The following METTL25 variants were observed in gnomAD, a reference collection of about 807,000 sequenced individuals.
METTL25 encodes the protein methyltransferase like 25.
METTL25 carries 64 observed loss-of-function variants against 71.6 expected under a neutral mutation model. The ratio of observed to expected loss-of-function variants is 0.89; its 90% CI spans 0.73 to 1.10. The LOEUF (loss-of-function observed/expected upper bound fraction) is 1.10, where lower values mean the gene tolerates loss of function less well. Ranked by LOEUF, METTL25 falls within the 50% of genes least tolerant of loss-of-function variation. METTL25 has a pLI of 0.00. For synonymous variants in METTL25, 287 were observed against 250.3 expected, an observed-to-expected ratio of 1.15 and a Z score of -1.38; for missense variants, 807 against 707.0, an observed-to-expected ratio of 1.14 and a Z score of -1.60.
intron 1 of METTL25, among the ~76,000 whole-genome samples, chr12:82,378,835 C>G (rs192952996): frequency 6.6e-6 from 1 of 152,122 alleles, no homozygotes; most frequent in Non-Finnish European, 1.5e-5. Context: ...TGAGACCAGC[C>G]TGAGTAACAT....
chr12:82,432,385 T>A (rs369195776), intron 6 of METTL25, among the ~76,000 whole-genome samples: 39 of 151,734 alleles, frequency 2.6e-4, no homozygotes, highest in East Asian at 2.3e-3. Flanking sequence ...CAGCTTCTTC[T>A]TGGGATAACT....
At chr12:82,451,578 A>G (rs1891151271) in intron 8 of METTL25, among the ~76,000 whole-genome samples, 1 of 152,096 alleles carries the variant, frequency 6.6e-6, no homozygotes, top group Non-Finnish European at 1.5e-5. Flanking sequence ...CTCTGTTGAA[A>G]CCATGCTTAC....
chr12:82,440,320 T>C (rs1796191329), intron 8 of METTL25, among the ~76,000 whole-genome samples: 1 of 151,960 alleles, frequency 6.6e-6, no homozygotes, highest in Admixed American at 6.6e-5. Context: ...ACATCCACTT[T>C]CTCATTTTCA....
chr12:82,475,943 A>C (rs1036857816), intron 9 of METTL25, among the ~76,000 whole-genome samples: 2 of 152,098 alleles, frequency 1.3e-5, no homozygotes, highest in Non-Finnish European at 2.9e-5. Flanking sequence ...GGCACTCAAA[A>C]AGTTTCAGAT....
intron 5 of METTL25, among the ~76,000 whole-genome samples, chr12:82,422,810 A>C (rs994178858): frequency 2.0e-5 from 3 of 152,188 alleles, no homozygotes; most frequent in East Asian, 1.9e-4. Flanking sequence ...CTTCAAAGAG[A>C]ATAAAATACC....
chr12:82,358,623 T>G lies in METTL25; in HGVS notation c.58T>G (p.Leu20Val), dbSNP rs1158275315. The G allele has an allele frequency of 3.7e-6, 6 of 1,613,972 alleles. 1 individual carries two copies. The South Asian group carries it at 6.6e-5, about 18-fold the overall frequency. ...GGACCTGCCCACGCTGCGTGCCAAG[T>G]TGCAGGGACTGCTGCAGTTCCTGAG... ...TPDLPTLRAK[L>V]QGLLQFLRDA... Residue 20 changes from leucine to valine, a missense_variant, in exon 1 of 12, where the codon TTG becomes GTG. Leu to Val is a conservative substitution (Grantham distance 32). Coordinates refer to ENST00000248306, the MANE Select transcript of METTL25 (RefSeq NM_032230.3).
At chr12:82,419,546 A>T (rs1888285953) in intron 5 of METTL25, among the ~76,000 whole-genome samples, 1 of 152,146 alleles carries the variant, frequency 6.6e-6, no homozygotes, top group Non-Finnish European at 1.5e-5. Flanking sequence ...GGCCATGCAG[A>T]ACCCCGTAAG....
chr12:82,412,392 C>T (rs1887620035), intron 5 of METTL25, among the ~76,000 whole-genome samples: 1 of 152,026 alleles, frequency 6.6e-6, no homozygotes. Flanking sequence ...TTGGCTCTGC[C>T]TCTGAATAAA....
chr12:82,363,712 CT>C (rs1882222343), intron 1 of METTL25, among the ~76,000 whole-genome samples: 2 of 125,556 alleles, frequency 1.6e-5, no homozygotes, highest in African/African-American at 5.8e-5. Context: ...CATTTTTCAA[CT>C]AAAAAAAACT....
At chr12:82,459,272 A>G (rs1431096871) in intron 9 of METTL25, among the ~76,000 whole-genome samples, 1 of 152,172 alleles carries the variant, frequency 6.6e-6, no homozygotes, top group African/African-American at 2.4e-5. Context: ...CAAACTGAAA[A>G]TGTAAGGAAA....
At chr12:82,449,858 A>G (rs1019864160) in intron 8 of METTL25, among the ~76,000 whole-genome samples, 3 of 152,006 alleles carry the variant, frequency 2.0e-5, no homozygotes, top group Non-Finnish European at 4.4e-5. Flanking sequence ...TTTCCTTTAT[A>G]GCAAAATTCC....
intron 2 of METTL25, among the ~76,000 whole-genome samples, chr12:82,387,501 TAA>T (rs955168288): frequency 8.2e-5 from 12 of 147,156 alleles, no homozygotes; most frequent in African/African-American, 3.0e-4. Context: ...AGGCTGTGGT[TAA>T]AAAAAAAAAC....
chr12:82,450,410 T>C lies in METTL25; in HGVS notation c.1479-6317T>C, dbSNP rs1248851129. Reference sequence around the variant, plus strand: ...CCTTCAGAATATATGTAATTTTTTTTCACTTTTCACCGTCCTCAGGACCAT... The same window carrying C: ...CCTTCAGAATATATGTAATTTTTTTCCACTTTTCACCGTCCTCAGGACCAT... On this transcript the variant is annotated intron_variant, in intron 8 of 11. Transcript: ENST00000248306. Among the ~76,000 whole-genome samples the C allele has an allele frequency of 2.6e-5, 4 of 152,252 alleles. No individual in the cohort carries two copies. In the East Asian group the frequency reaches 7.7e-4, roughly 29 times the overall value.
chr12:82,467,877 C>A (rs889320471), intron 9 of METTL25, among the ~76,000 whole-genome samples: 2 of 151,988 alleles, frequency 1.3e-5, no homozygotes, highest in African/African-American at 4.8e-5. Flanking sequence ...AGTATGTTTT[C>A]TATACCCTTT....
In METTL25 at chr12:82,400,791, A is replaced by G. The variant is rs147608677; in HGVS notation, c.1131+1397A>G. Among the ~76,000 whole-genome samples, 1,505 of 152,186 alleles carry G rather than the reference A, an allele frequency of 9.9e-3. 23 individuals carry two copies. Among genetic ancestry groups the G allele is most frequent in the African/African-American group, 0.034 (1,419 of 41,554 alleles). ...CCCCTATTCCCCCTACCCTCTCGCA[A>G]TACTTAAATATTTTACTAGTAGGAT... On this transcript the variant is annotated intron_variant, in intron 4 of 11. Transcript: ENST00000248306.
intron 5 of METTL25, among the ~76,000 whole-genome samples, chr12:82,408,874 A>G (rs1443907944): frequency 1.3e-5 from 2 of 152,126 alleles, no homozygotes; most frequent in Non-Finnish European, 2.9e-5. Context: ...ACTAGGTTCC[A>G]TGGAGTTATA....
intron 5 of METTL25, among the ~76,000 whole-genome samples, chr12:82,429,909 C>G (rs1047521944): frequency 1.3e-5 from 2 of 151,368 alleles, no homozygotes; most frequent in Non-Finnish European, 3.0e-5. Context: ...TCTGGATAGG[C>G]TATGATTGTA....
chr12:82,386,518 C>T (rs1438603686), intron 1 of METTL25, among the ~76,000 whole-genome samples: 2 of 142,818 alleles, frequency 1.4e-5, no homozygotes, highest in Non-Finnish European at 3.0e-5. Flanking sequence ...TCCCTTTTCT[C>T]TCTCTCTGTC....
At chr12:82,393,428 T>A (rs1172463608) in intron 3 of METTL25, among the ~76,000 whole-genome samples, 1 of 152,108 alleles carries the variant, frequency 6.6e-6, no homozygotes, top group Non-Finnish European at 1.5e-5. Context: ...TTGAGATTTT[T>A]CTCTGTTGTC....
Sources: allele counts gnomAD v4.1 joint callset (sites outside exome capture counted in the v4.1 genomes callset), GRCh38; gene constraint gnomAD v4.1.1; transcripts MANE v1.5; gene names NCBI Gene and HGNC (gene_info 2026-07-23, HGNC 2026-07-21).